SYBU: variants seen among roughly 807,000 people sequenced by gnomAD.
The protein encoded by SYBU is GOLSYN A protein.
Under a neutral mutation model 35.9 loss-of-function variants are expected in SYBU, and 21 were observed. The observed-to-expected ratio is 0.58, with a 90% CI of 0.41 to 0.84. The LOEUF (loss-of-function observed/expected upper bound fraction) is 0.84, where lower values mean the gene tolerates loss of function less well. Among genes scored for constraint, SYBU ranks in the 40% least tolerant of loss-of-function variants. SYBU has a pLI of 0.00. For missense variants in SYBU, 768 were observed against 848.2 expected (o/e 0.91, Z 1.17); for synonymous variants, 319 against 324.3 (o/e 0.98, Z 0.18).
intron 2 of SYBU, among the ~76,000 whole-genome samples, chr8:109,633,824 C>T (rs542017187): frequency 6.6e-6 from 1 of 152,252 alleles, no homozygotes; most frequent in South Asian, 2.1e-4. Context: ...GCCTCCACCT[C>T]CCGGGCTCAA....
chr8:109,611,983 T>A (rs1811221921), intron 3 of SYBU, among the ~76,000 whole-genome samples: 1 of 152,214 alleles, frequency 6.6e-6, no homozygotes, highest in South Asian at 2.1e-4. Flanking sequence ...GTGTTTTATA[T>A]CAACACGTCT....
At chr8:109,689,488 A>G (rs1420181730) in intron 1 of SYBU, among the ~76,000 whole-genome samples, 1 of 151,536 alleles carries the variant, frequency 6.6e-6, no homozygotes, top group Non-Finnish European at 1.5e-5. Context: ...ATGTCCACCT[A>G]TTTTTTTTAT....
upstream of SYBU, among the ~76,000 whole-genome samples, chr8:109,683,826 T>C (rs1817459326): frequency 6.6e-6 from 1 of 152,222 alleles, no homozygotes; most frequent in Admixed American, 6.5e-5. Context: ...CATACTGTTC[T>C]CATGATAGTG....
rs762367987 is a variant in SYBU, at chr8:109,575,630, T to TC, written c.1267dup (p.Glu423GlyfsTer4). ...TACCAGTAGCTCCCTGTCAGCCCCT[T>TC]CCCCCGTGACCTGCTCTTCCAGAGA... On this transcript the variant is annotated frameshift_variant, in exon 7 of 7. Coordinates refer to ENST00000276646, the MANE Select transcript of SYBU (RefSeq NM_001099754.2). LOFTEE classifies it low-confidence loss of function (END_TRUNC). The TC allele has an allele frequency of 6.2e-7, 1 of 1,613,958 alleles. No homozygotes were observed. The highest frequency in any genetic ancestry group is 8.5e-7 in the Non-Finnish European group (1 of 1,179,966).
intron 1 of SYBU, among the ~76,000 whole-genome samples, chr8:109,668,165 G>GGAGAGGGAGAGA (rs1554628120): frequency 1.1e-5 from 1 of 88,990 alleles, no homozygotes; most frequent in Non-Finnish European, 2.0e-5. Context: ...GGGGAGAGGG[G>GGAGAGGGAGAGA]GAGAGAGAGA....
At chr8:109,625,727 A>G (rs2130455806) in intron 2 of SYBU, among the ~76,000 whole-genome samples, 2 of 152,268 alleles carry the variant, frequency 1.3e-5, no homozygotes, top group East Asian at 1.9e-4. Flanking sequence ...AGCCAAACAT[A>G]GGATTTTTAA....
intron 3 of SYBU, among the ~76,000 whole-genome samples, chr8:109,603,123 C>T (rs1825715388): frequency 6.6e-6 from 1 of 152,232 alleles, no homozygotes; most frequent in Non-Finnish European, 1.5e-5. Flanking sequence ...ATGCCTCGCT[C>T]CTACTTCTGT....
intron 2 of SYBU, among the ~76,000 whole-genome samples, chr8:109,625,513 C>CCTGG (rs1308447497): frequency 1.3e-5 from 2 of 152,312 alleles, no homozygotes; most frequent in East Asian, 3.9e-4. Flanking sequence ...GACTCCAACT[C>CCTGG]CTGGCTCACG....
chr8:109,641,765 A>G (rs1002921464), intron 2 of SYBU, among the ~76,000 whole-genome samples: 3 of 152,240 alleles, frequency 2.0e-5, no homozygotes, highest in African/African-American at 4.8e-5. Context: ...ATCTTTAAAA[A>G]CAGTCATAGA....
chr8:109,658,689 C>T (rs928785535), intron 1 of SYBU, among the ~76,000 whole-genome samples: 1 of 152,296 alleles, frequency 6.6e-6, no homozygotes, highest in Non-Finnish European at 1.5e-5. Context: ...CATGGTGGCT[C>T]ATGCCTGTAA....
chr8:109,611,458 C>T (rs1356725053), intron 3 of SYBU, among the ~76,000 whole-genome samples: 6 of 152,100 alleles, frequency 3.9e-5, no homozygotes, highest in Non-Finnish European at 8.8e-5. Context: ...ACTAAGTCCA[C>T]TTATCACATT....
At position 109,575,847 on chromosome 8, in the gene SYBU, T is replaced by C. The variant is rs774744747; in HGVS notation, c.1051A>G (p.Lys351Glu). 3.5e-5 allele frequency: 57 copies of C among 1,613,938 alleles called. No individual in the cohort carries two copies. The highest frequency in any genetic ancestry group is 4.5e-5 in the Non-Finnish European group (53 of 1,180,012). ...IETMRSSLAD[K>E]DKGIQKYFVD... ...AAATATTTCTGAATGCCTTTATCTT[T>C]ATCAGCCAAGCTGCTCCGCATGGTT... is the stretch of plus-strand genomic sequence containing the variant. Residue 351 changes from lysine (K) to glutamate (E), a missense_variant, in exon 7 of 7, where the codon AAA becomes GAA. Coordinates refer to ENST00000276646, the MANE Select transcript of SYBU (RefSeq NM_001099754.2).
upstream of SYBU, among the ~76,000 whole-genome samples, chr8:109,682,004 G>C (rs559989011): frequency 1.1e-4 from 17 of 152,262 alleles, no homozygotes; most frequent in South Asian, 3.5e-3. Context: ...CTTCCATAAT[G>C]ATTGTAAGTT....
At chr8:109,632,436 A>G (rs1229413990) in intron 2 of SYBU, among the ~76,000 whole-genome samples, 1 of 152,200 alleles carries the variant, frequency 6.6e-6, no homozygotes, top group African/African-American at 2.4e-5. Flanking sequence ...GTCTTGTAGC[A>G]ATGTATCTTT....
At chr8:109,604,414 C>T (rs968587773) in intron 3 of SYBU, among the ~76,000 whole-genome samples, 2 of 152,168 alleles carry the variant, frequency 1.3e-5, no homozygotes, top group African/African-American at 2.4e-5. Context: ...CTGGACACTA[C>T]GCTTCCTCCT....
chr8:109,575,904 T>C lies in SYBU; in HGVS notation c.994A>G (p.Lys332Glu), dbSNP rs751456062. ...EAQLALKEAR[K>E]EIKQLKQVIE... ...ACCTGTTTGAGCTGTTTAATCTCTT[T>C]CCTGGCTTCTTTGAGTGCCAACTGG... is the stretch of plus-strand genomic sequence containing the variant. The change falls in exon 7 of 7, where the codon AAA becomes GAA. Residue 332 changes from lysine to glutamate, a missense_variant. Transcript: ENST00000276646. 1.9e-6 allele frequency: 3 copies of C among 1,614,044 alleles called. No homozygotes were observed. Among genetic ancestry groups the C allele is most frequent in the South Asian group, 1.1e-5 (1 of 91,066 alleles).
intron 1 of SYBU, among the ~76,000 whole-genome samples, chr8:109,668,507 A>G (rs949494026): frequency 5.3e-5 from 8 of 152,200 alleles, no homozygotes; most frequent in Admixed American, 3.3e-4. Context: ...ACCTAAACCA[A>G]CACGTAATAT....
rs1197312332 is a variant in SYBU at position 109,691,052 on chromosome 8, G to GC, written c.-58+280dup. Reference sequence around the variant, plus strand: ...ATTAGCCTGGCTAATCTTGCTCGTTGCAACAAGGAGTCCAGCCCGACCGTC... The same window carrying GC: ...ATTAGCCTGGCTAATCTTGCTCGTTGCCAACAAGGAGTCCAGCCCGACCGTC... On this transcript the variant is annotated intron_variant, in intron 1 of 7. Transcript: ENST00000422135. The surrounding 1 kb of genome is among the most constrained non-coding windows in gnomAD (Gnocchi z 4.7). Among the ~76,000 whole-genome samples the GC allele has an allele frequency of 6.6e-6, 1 of 152,156 alleles. No homozygotes were observed. Among genetic ancestry groups the GC allele is most frequent in the African/African-American group, 2.4e-5 (1 of 41,436 alleles).
rs777525379 is a variant in SYBU, at chr8:109,579,807, G to A, written c.726C>T (p.Pro242=). ...AGGTGAGCAGGACTCACCTCATGAT[G>A]GGGCTACAGTCGCTTCCTTTGTAGG... is the stretch of plus-strand genomic sequence containing the variant. ...SGSYKGSDCS[P]IMRRSGRYMS... is the part of the protein sequence containing the mutation. Residue 242 remains proline, a synonymous_variant, in exon 5 of 7, where the codon CCC becomes CCT. Transcript: ENST00000276646. 1 of 1,613,994 alleles carries A rather than the reference G, an allele frequency of 6.2e-7. No homozygotes were observed. Among genetic ancestry groups the A allele is most frequent in the Non-Finnish European group, 8.5e-7 (1 of 1,179,882 alleles).
Sources: gnomAD v4.1 joint callset for allele counts (sites outside exome capture counted in the v4.1 genomes callset) on GRCh38, gnomAD v4.1.1 for gene constraint, Gnocchi (gnomAD v3.1) non-coding constraint, MANE v1.5 for transcripts, NCBI Gene and HGNC (gene_info 2026-07-23, HGNC 2026-07-21) for gene names.